Variants in EML6 observed in about 807,000 individuals in gnomAD.
The protein encoded by EML6 is echinoderm microtubule-associated protein-like 6.
EML6 carries 154 observed loss-of-function variants against 240.1 expected under a neutral mutation model. That is an observed-to-expected ratio of 0.64 (90% CI 0.56 to 0.73). The LOEUF (loss-of-function observed/expected upper bound fraction) is 0.73. EML6 is among the 30% of genes least tolerant of loss of function. The probability of loss-of-function intolerance (pLI) is 0.00; values close to 1 mark genes in which losing one functional copy is unlikely to be tolerated. For synonymous variants in EML6, 1,148 were observed against 899.0 expected, an observed-to-expected ratio of 1.28 and a Z score of -4.95; for missense variants, 2,964 against 2,474.6, an observed-to-expected ratio of 1.20 and a Z score of -4.20.
At chr2:54,833,244 C>G (rs898113418) in intron 7 of EML6, among the ~76,000 whole-genome samples, 1 of 152,224 alleles carries the variant, frequency 6.6e-6, no homozygotes, top group Non-Finnish European at 1.5e-5. Flanking sequence ...GTAAAGACTT[C>G]TGTTGCTCCT....
intron 26 of EML6, among the ~76,000 whole-genome samples, chr2:54,923,326 A>C (rs1356499417): frequency 6.6e-6 from 1 of 151,004 alleles, no homozygotes; most frequent in East Asian, 2.0e-4. Context: ...GTATTACTTT[A>C]AATTTGCTAA....
At chr2:54,926,025 G>C (rs1009518357) in intron 26 of EML6, among the ~76,000 whole-genome samples, 2 of 152,214 alleles carry the variant, frequency 1.3e-5, no homozygotes, top group South Asian at 4.1e-4. Flanking sequence ...GAATGTAGGG[G>C]AGAGTGCACA....
At chr2:54,828,700 T>G (rs1452015810) in intron 6 of EML6, among the ~76,000 whole-genome samples, 1 of 152,260 alleles carries the variant, frequency 6.6e-6, no homozygotes, top group Non-Finnish European at 1.5e-5. Flanking sequence ...CCTAATTTCT[T>G]TTTATACTGG....
At chr2:54,800,382 G>C (rs1274089018) in intron 2 of EML6, among the ~76,000 whole-genome samples, 2 of 152,006 alleles carry the variant, frequency 1.3e-5, no homozygotes, top group African/African-American at 2.4e-5. Flanking sequence ...TTGAATTCAG[G>C]AATAAACTTT....
intron 19 of EML6, among the ~76,000 whole-genome samples, chr2:54,893,730 T>C (rs1327978031): frequency 1.3e-5 from 2 of 152,220 alleles, no homozygotes; most frequent in African/African-American, 4.8e-5. Context: ...TCCTAACCCA[T>C]GTCTCAATTT....
intron 2 of EML6, among the ~76,000 whole-genome samples, chr2:54,750,350 C>G (rs1290496941): frequency 6.6e-6 from 1 of 152,212 alleles, no homozygotes; most frequent in Non-Finnish European, 1.5e-5. Context: ...CATTAGGTTG[C>G]TTGCTCCTCT....
At position 54,730,192 on chromosome 2, in the gene EML6, A is replaced by G. The variant is rs146047487; in HGVS notation, c.197+4934A>G. 1.1e-3 allele frequency among the ~76,000 whole-genome samples: 163 copies of G among 152,336 alleles called. 2 individuals carry two copies. In the South Asian group the frequency reaches 0.031, roughly 29 times the overall value. On this transcript the variant is annotated intron_variant, in intron 2 of 41. Coordinates refer to ENST00000356458, the MANE Select transcript of EML6 (RefSeq NM_001039753.4). ...AAAAGAGAAATATCCACAGCTTTGG[A>G]ACAATGACCTGAAACAATGATCTAT...
In EML6 at chr2:54,971,211, G is replaced by C. The variant is rs1676980560; in HGVS notation, c.*1116G>C. The C allele has an allele frequency of 6.6e-6, 1 of 152,198 alleles. No homozygotes were observed. The highest frequency in any genetic ancestry group is 1.5e-5 in the Non-Finnish European group (1 of 68,034). 9.4% of individuals were successfully genotyped at this position (152,198 alleles called of 1,614,324 possible). A position where few individuals can be genotyped will look rare whatever the true frequency, so the allele number is the denominator to read the frequency against. ...AAATTGTAAACCCAAGGAATAGCTG[G>C]TAAATCAAAATTATAAAGTGAGTTA... is the stretch of plus-strand genomic sequence containing the variant. On this transcript the variant is annotated 3_prime_UTR_variant, in exon 42 of 42. Transcript: ENST00000356458.
intron 39 of EML6, 31 bp downstream of exon 39, chr2:54,967,134 A>G (rs553368542): frequency 2.8e-6 from 4 of 1,405,020 alleles, no homozygotes; most frequent in African/African-American, 2.9e-5. Context: ...ACTTGAGGAA[A>G]AGGTCACAAG....
intron 2 of EML6, among the ~76,000 whole-genome samples, chr2:54,799,395 G>A (rs1478178496): frequency 1.3e-5 from 2 of 151,392 alleles, no homozygotes; most frequent in Non-Finnish European, 1.5e-5. Context: ...GGAGCCTCTG[G>A]TGTGTGGTGG....
intron 28 of EML6, among the ~76,000 whole-genome samples, chr2:54,947,897 AC>A (rs1284160042): frequency 6.6e-6 from 1 of 152,196 alleles, no homozygotes; most frequent in African/African-American, 2.4e-5. Context: ...TGTGTGCCAC[AC>A]AGGAATGTCT....
intron 16 of EML6, among the ~76,000 whole-genome samples, chr2:54,873,787 C>G (rs1255267446): frequency 2.1e-5 from 3 of 144,144 alleles, no homozygotes; most frequent in Non-Finnish European, 3.0e-5. Flanking sequence ...TATTGGGAAT[C>G]CAATATATTC....
intron 2 of EML6, among the ~76,000 whole-genome samples, chr2:54,805,123 C>G (rs915734480): frequency 1.3e-5 from 2 of 152,148 alleles, no homozygotes; most frequent in Non-Finnish European, 2.9e-5. Flanking sequence ...TTTTGAGATT[C>G]ATCCATGCTG....
At chr2:54,765,001 T>C (rs1472570475) in intron 2 of EML6, among the ~76,000 whole-genome samples, 1 of 152,206 alleles carries the variant, frequency 6.6e-6, no homozygotes, top group Non-Finnish European at 1.5e-5. Flanking sequence ...TTGCTTTCAG[T>C]GTTTGTTTCC....
At chr2:54,963,785 CTTG>C (rs1304248471) in intron 36 of EML6, among the ~76,000 whole-genome samples, 198 bp from the exon 37 acceptor site, 2 of 152,242 alleles carry the variant, frequency 1.3e-5, no homozygotes, top group Non-Finnish European at 2.9e-5. Context: ...TGCCCTAAAA[CTTG>C]TTGTCCCCCA....
intron 2 of EML6, among the ~76,000 whole-genome samples, chr2:54,791,261 TAC>T (rs1669435631): frequency 3.9e-5 from 6 of 152,222 alleles, no homozygotes; most frequent in Admixed American, 6.5e-5. Context: ...ACGGCACAGT[TAC>T]AGTCCTGCCG....
intron 7 of EML6, among the ~76,000 whole-genome samples, chr2:54,830,071 A>G (rs936963291): frequency 6.6e-6 from 1 of 152,212 alleles, no homozygotes; most frequent in Non-Finnish European, 1.5e-5. Context: ...CAGGATGAGG[A>G]CTAAATATAC....
At position 54,928,643 on chromosome 2, in the gene EML6, C is replaced by G. The variant is rs780682547; in HGVS notation, c.3896C>G (p.Ala1299Gly). 52 of 1,552,134 alleles carry G rather than the reference C, an allele frequency of 3.4e-5. 1 individual carries two copies. The South Asian group carries it at 6.1e-4, about 18-fold the overall frequency. The change falls in exon 28 of 42, where the codon GCT becomes GGT. Residue 1299 changes from alanine to glycine, a missense_variant. Coordinates refer to ENST00000356458, the MANE Select transcript of EML6 (RefSeq NM_001039753.4). Reference sequence around the variant, plus strand: ...GTTTGAGGCTATGACAGCGATGTTGCTAGAGAAAAGGCCATTGACTACACC... The same window carrying G: ...GTTTGAGGCTATGACAGCGATGTTGGTAGAGAAAAGGCCATTGACTACACC... ...EEDGGYDSDV[A>G]REKAIDYTTK...
rs1481945576 is a variant in EML6 at position 54,813,250 on chromosome 2, C to T, written c.216C>T (p.Asp72=). The T allele has an allele frequency of 1.9e-5, 30 of 1,550,212 alleles. No homozygotes were observed. The highest frequency in any genetic ancestry group is 2.4e-5 in the Non-Finnish European group (28 of 1,146,336). The change falls in exon 3 of 42, where the codon GAC becomes GAT. Residue 72 remains aspartate, a synonymous_variant. Coordinates refer to ENST00000356458, the MANE Select transcript of EML6 (RefSeq NM_001039753.4). ...CTTTCAGCCTTGCCTTACACCCAGA[C>T]AAAACTCTCGTTGCAACTGGCCAAG... ...DDIISLALHP[D]KTLVATGQVG... is the part of the protein sequence containing the mutation.
Sources: gnomAD v4.1 joint callset for allele counts (sites outside exome capture counted in the v4.1 genomes callset) on GRCh38, gnomAD v4.1.1 for gene constraint, MANE v1.5 for transcripts, NCBI Gene and HGNC (gene_info 2026-07-23, HGNC 2026-07-21) for gene names.